CADM2: variants seen among roughly 807,000 people sequenced by gnomAD.
CADM2 encodes the protein immunoglobulin superfamily member 4D.
A neutral mutation model predicts 49.8 loss-of-function variants in CADM2; 12 were observed. That is an observed-to-expected ratio of 0.24 (90% CI 0.15 to 0.39). CADM2 has a LOEUF of 0.39. Ranked by LOEUF, CADM2 falls within the 10% of genes least tolerant of loss-of-function variation. CADM2 has a pLI of 1.00. For synonymous variants in CADM2, 214 were observed against 175.4 expected (o/e 1.22, Z -1.74); for missense variants, 378 against 492.3 (o/e 0.77, Z 2.20).
intron 1 of CADM2, among the ~76,000 whole-genome samples, chr3:85,358,785 A>G (rs886658802): frequency 6.6e-6 from 1 of 152,166 alleles, no homozygotes; most frequent in African/African-American, 2.4e-5. Flanking sequence ...AGAGTATAAT[A>G]CATACGTGGT....
chr3:85,494,946 T>C (rs1378183496), intron 1 of CADM2, among the ~76,000 whole-genome samples: 1 of 152,168 alleles, frequency 6.6e-6, no homozygotes, highest in Non-Finnish European at 1.5e-5. Context: ...ACATGATTTA[T>C]GTTATTTAAA....
intron 1 of CADM2, among the ~76,000 whole-genome samples, chr3:85,580,162 GTTAT>G (rs1440346738): frequency 6.6e-6 from 1 of 152,100 alleles, no homozygotes; most frequent in Non-Finnish European, 1.5e-5. Flanking sequence ...CGAAATGTAA[GTTAT>G]TTATTGACCC....
chr3:85,654,665 AG>A (rs2065143809), intron 1 of CADM2, among the ~76,000 whole-genome samples: 1 of 152,214 alleles, frequency 6.6e-6, no homozygotes, highest in Non-Finnish European at 1.5e-5. Flanking sequence ...ACTTAATATT[AG>A]TGCCCATGAG....
At chr3:85,423,366 G>A (rs1488062924) in intron 1 of CADM2, among the ~76,000 whole-genome samples, 1 of 152,074 alleles carries the variant, frequency 6.6e-6, no homozygotes, top group African/African-American at 2.4e-5. Context: ...CTCATTTAGG[G>A]CCACGGGTCC....
intron 1 of CADM2, among the ~76,000 whole-genome samples, chr3:85,722,026 T>C (rs1001575061): frequency 1.3e-4 from 19 of 149,192 alleles, no homozygotes; most frequent in Admixed American, 1.3e-4. Context: ...TCACATAGAG[T>C]GTTCACCTCT....
chr3:85,730,865 G>A (rs1039990927), intron 2 of CADM2, among the ~76,000 whole-genome samples: 1 of 152,028 alleles, frequency 6.6e-6, no homozygotes, highest in Non-Finnish European at 1.5e-5. Context: ...TTTCTAGAAT[G>A]CCAGCTTTTA....
At chr3:85,283,198 A>G (rs1487223917) in intron 1 of CADM2, among the ~76,000 whole-genome samples, 4 of 151,990 alleles carry the variant, frequency 2.6e-5, no homozygotes, top group African/African-American at 7.2e-5. Context: ...TTTAAGCAGA[A>G]CATTTTCTAT....
intron 5 of CADM2, among the ~76,000 whole-genome samples, chr3:85,896,360 G>T (rs2108434750): frequency 6.6e-6 from 1 of 152,264 alleles, no homozygotes; most frequent in South Asian, 2.1e-4. Flanking sequence ...GTAGGTTTTT[G>T]AAGTTAAGTG....
intron 1 of CADM2, among the ~76,000 whole-genome samples, chr3:85,643,942 C>T (rs144011013): frequency 0.028 from 4,319 of 152,082 alleles, 89 homozygotes; most frequent in Middle Eastern, 0.072. Context: ...AGGGCTTTAG[C>T]ATATGAATTT....
At chr3:85,013,700 CTAAA>C (rs1229609885) in intron 1 of CADM2, among the ~76,000 whole-genome samples, 1 of 150,590 alleles carries the variant, frequency 6.6e-6, no homozygotes, top group Non-Finnish European at 1.5e-5. Flanking sequence ...TGTTGAATAA[CTAAA>C]TATATTAGTC....
rs570901708 is a variant in CADM2 at position 85,887,569 on chromosome 3, G to T, written c.529+1242G>T. Reference sequence around the variant, plus strand: ...TTCTCTGCATATTTTTCCCAAAAAAGGTCCTTATCCATAATTTTACCCTGA... The same window carrying T: ...TTCTCTGCATATTTTTCCCAAAAAATGTCCTTATCCATAATTTTACCCTGA... On this transcript the variant is annotated intron_variant, in intron 5 of 9. Transcript: ENST00000383699. 3.7e-4 allele frequency among the ~76,000 whole-genome samples: 57 copies of T among 152,132 alleles called. 1 individual carries two copies. In the East Asian group the frequency reaches 6.4e-3, roughly 17 times the overall value.
intron 6 of CADM2, among the ~76,000 whole-genome samples, chr3:85,922,753 C>T (rs1264367542): frequency 6.6e-6 from 1 of 151,814 alleles, no homozygotes; most frequent in East Asian, 1.9e-4. Context: ...ATCTTTATTC[C>T]ATAATTGCAA....
At chr3:85,646,370 G>A (rs899598391) in intron 1 of CADM2, among the ~76,000 whole-genome samples, 1 of 151,970 alleles carries the variant, frequency 6.6e-6, no homozygotes, top group Non-Finnish European at 1.5e-5. Flanking sequence ...CTGGTAAGCA[G>A]TTAATGAATG....
intron 1 of CADM2, among the ~76,000 whole-genome samples, chr3:85,094,706 C>T (rs911548682): frequency 8.5e-5 from 13 of 152,084 alleles, no homozygotes; most frequent in African/African-American, 3.1e-4. Flanking sequence ...CAATCACTGA[C>T]TTTTCTTTTT....
chr3:85,169,098 G>A (rs1038093185), intron 1 of CADM2, among the ~76,000 whole-genome samples: 3 of 151,930 alleles, frequency 2.0e-5, no homozygotes, highest in South Asian at 2.1e-4. Flanking sequence ...GGTTACAGGC[G>A]CCCACCACCA....
Position 85,514,012 on chromosome 3 carries a change from C to T in CADM2, c.62-212510C>T, listed in dbSNP as rs544532912. Among the ~76,000 whole-genome samples, 8 of 152,136 alleles carry T rather than the reference C, an allele frequency of 5.3e-5. No individual in the cohort carries two copies. The South Asian group carries it at 6.2e-4, about 12-fold the overall frequency. On this transcript the variant is annotated intron_variant, in intron 1 of 9. Transcript: ENST00000383699. Reference sequence around the variant, plus strand: ...AATGTCTATAGACTGGGTCAAGCATCGTTAACTTCTATAAGAATGGCAATG... The same window carrying T: ...AATGTCTATAGACTGGGTCAAGCATTGTTAACTTCTATAAGAATGGCAATG...
intron 1 of CADM2, among the ~76,000 whole-genome samples, chr3:85,171,632 C>T (rs1176696102): frequency 6.6e-6 from 1 of 152,098 alleles, no homozygotes; most frequent in African/African-American, 2.4e-5. Context: ...GGTTAATTGT[C>T]TATATTTTGT....
chr3:86,073,419 A>T lies in CADM2; in HGVS notation c.*6636A>T, dbSNP rs951447594. ...ATCTACTCTTGTCATTAACATTTTC[A>T]AAAAACAAAATGCATATTGTAATAT... On this transcript the variant is annotated 3_prime_UTR_variant, in exon 10 of 10. Coordinates refer to ENST00000383699, the MANE Select transcript of CADM2 (RefSeq NM_001167675.2). 4 of 152,052 alleles carry T rather than the reference A, an allele frequency of 2.6e-5. No homozygotes were observed. The highest frequency in any genetic ancestry group is 9.6e-5 in the African/African-American group (4 of 41,454). The allele number at this position is 152,052 out of a possible 1,614,324, so 9.4% of individuals were successfully genotyped here. A position where few individuals can be genotyped will look rare whatever the true frequency, so the allele number is the denominator to read the frequency against.
intron 2 of CADM2, among the ~76,000 whole-genome samples, chr3:85,733,878 T>G (rs1357387566): frequency 1.3e-5 from 2 of 152,164 alleles, no homozygotes; most frequent in African/African-American, 4.8e-5. Context: ...AAATTGGTAT[T>G]TGCTTATTCT....
Sources: allele counts gnomAD v4.1 joint callset (sites outside exome capture counted in the v4.1 genomes callset), GRCh38; gene constraint gnomAD v4.1.1; transcripts MANE v1.5; gene names NCBI Gene and HGNC (gene_info 2026-07-23, HGNC 2026-07-21).